Variants in ABLIM2 observed in about 807,000 individuals in gnomAD.
ABLIM2 encodes actin-binding LIM protein 2.
Under a neutral mutation model 97.7 loss-of-function variants are expected in ABLIM2, and 53 were observed. That is an observed-to-expected ratio of 0.54 (90% confidence interval 0.44 to 0.68). ABLIM2 has a LOEUF of 0.68. Among genes scored for constraint, ABLIM2 ranks in the 30% least tolerant of loss-of-function variants. The pLI, the probability that ABLIM2 is intolerant of heterozygous loss-of-function variation, is 0.00. For missense variants in ABLIM2, 835 were observed against 867.2 expected (o/e 0.96, Z 0.47); for synonymous variants, 361 against 345.8 (o/e 1.04, Z -0.49).
intron 6 of ABLIM2, among the ~76,000 whole-genome samples, chr4:8,074,158 T>C (rs972690331): frequency 3.1e-5 from 4 of 127,670 alleles, no homozygotes; most frequent in Admixed American, 3.1e-4. Context: ...GAAAGGCAAA[T>C]TAAAGCTAGA....
rs186929608 is a variant in ABLIM2 at position 8,082,537 on chromosome 4, T to C, written c.455-1735A>G. ...CTTTTGGCAGAGACCTGAGTCATAT[T>C]GTTTTTAACAATTAAAACAAACGAA... On this transcript the variant is annotated intron_variant, in intron 4 of 20. Coordinates refer to ENST00000447017, the MANE Select transcript of ABLIM2 (RefSeq NM_001130083.2). The surrounding 1 kb of genome is among the most constrained non-coding windows in gnomAD (Gnocchi z 5.6). Among the ~76,000 whole-genome samples, 48 of 152,354 alleles carry C rather than the reference T, an allele frequency of 3.2e-4. 1 individual carries two copies. Among genetic ancestry groups the C allele is most frequent in the Admixed American group, 2.0e-3 (31 of 15,300 alleles).
intron 16 of ABLIM2, among the ~76,000 whole-genome samples, chr4:7,997,608 A>G (rs1754174382): frequency 6.6e-6 from 1 of 151,854 alleles, no homozygotes; most frequent in Non-Finnish European, 1.5e-5. Context: ...CATATAGCTT[A>G]TATTTCTTTG....
intron 16 of ABLIM2, among the ~76,000 whole-genome samples, chr4:8,006,426 C>T (rs1761354322): frequency 6.6e-6 from 1 of 152,324 alleles, no homozygotes; most frequent in South Asian, 2.1e-4. Flanking sequence ...GTTCTGCCGG[C>T]CACCTGGCAA....
intron 6 of ABLIM2, among the ~76,000 whole-genome samples, chr4:8,074,255 G>A (rs2152373816): frequency 6.6e-6 from 1 of 152,204 alleles, no homozygotes; most frequent in South Asian, 2.1e-4. Context: ...AGAGTTCCAG[G>A]CCAGCTGGGG....
intron 12 of ABLIM2, among the ~76,000 whole-genome samples, chr4:8,027,105 G>C (rs1560731744): frequency 6.6e-6 from 1 of 152,176 alleles, no homozygotes; most frequent in African/African-American, 2.4e-5. Flanking sequence ...TCATCTAACT[G>C]ATCACCTCTT....
chr4:7,994,526 C>G (rs1388309997), intron 16 of ABLIM2, among the ~76,000 whole-genome samples: 1 of 56,660 alleles, frequency 1.8e-5, no homozygotes. Context: ...GGTTCCAAGT[C>G]TTTGCTATTG....
rs947630811 is a variant in ABLIM2, at chr4:8,122,433, T to C, written c.11-15796A>G. 1.3e-5 allele frequency among the ~76,000 whole-genome samples: 2 copies of C among 152,190 alleles called. No individual in the cohort carries two copies. The highest frequency in any genetic ancestry group is 1.3e-4 in the Admixed American group (2 of 15,282). ...AGTTCTGGAGCCTAAGAGTCTGATATTAGGGCAGCAGCATGCTCGGTCCCT... is the reference window on the plus strand; with the variant it reads ...AGTTCTGGAGCCTAAGAGTCTGATACTAGGGCAGCAGCATGCTCGGTCCCT... On this transcript the variant is annotated intron_variant, in intron 1 of 20. Coordinates refer to ENST00000447017, the MANE Select transcript of ABLIM2 (RefSeq NM_001130083.2). This position sits in a 1 kb window ranked among gnomAD's most constrained non-coding sequence, Gnocchi z 4.1.
intron 18 of ABLIM2, 131 bp from the exon 19 acceptor site, chr4:7,983,685 C>A: frequency 8.8e-7 from 1 of 1,137,640 alleles, no homozygotes; most frequent in Non-Finnish European, 1.3e-6. Context: ...GCATGGTCCC[C>A]GAGCAGCCTG....
intron 18 of ABLIM2, among the ~76,000 whole-genome samples, chr4:7,984,581 G>A (rs1194790665): frequency 6.6e-6 from 1 of 152,230 alleles, no homozygotes; most frequent in African/African-American, 2.4e-5. Flanking sequence ...GACACAGAGT[G>A]CCATACAATG....
At chr4:8,153,747 A>G (rs1360727731) in intron 1 of ABLIM2, among the ~76,000 whole-genome samples, 1 of 152,166 alleles carries the variant, frequency 6.6e-6, no homozygotes, top group Admixed American at 6.5e-5. Context: ...TTGATCTTTC[A>G]GTACAAAAGA....
At chr4:8,042,571 C>T (rs940596853) in intron 9 of ABLIM2, among the ~76,000 whole-genome samples, 9 of 152,116 alleles carry the variant, frequency 5.9e-5, no homozygotes, top group Admixed American at 6.5e-5. Flanking sequence ...CCAGGCACAG[C>T]GGCTCACGCC....
chr4:8,120,808 C>T lies in ABLIM2; in HGVS notation c.11-14171G>A, dbSNP rs1421168536. On this transcript the variant is annotated intron_variant, in intron 1 of 20. Transcript: ENST00000447017. This position sits in a 1 kb window ranked among gnomAD's most constrained non-coding sequence, Gnocchi z 5.6. ...GACCATCACAGCTCAGCCCAGCCTA[C>T]CGGAAACATGCTCAGAACACCTACG... Among the ~76,000 whole-genome samples, 2 of 152,208 alleles carry T rather than the reference C, an allele frequency of 1.3e-5. No homozygotes were observed. Among genetic ancestry groups the T allele is most frequent in the African/African-American group, 4.8e-5 (2 of 41,446 alleles).
intron 1 of ABLIM2, among the ~76,000 whole-genome samples, chr4:8,154,673 T>C (rs1190310851): frequency 6.6e-6 from 1 of 152,232 alleles, no homozygotes; most frequent in Non-Finnish European, 1.5e-5. Context: ...TTCATATACA[T>C]CTTCCCCACC....
At position 8,069,946 on chromosome 4, in the gene ABLIM2, GTTGT is replaced by G. The variant is rs1810695249; in HGVS notation, c.675+7678_675+7681del. ...TTTCTGTGTGTTTATTTCCATGTGT[GTTGT>G]TTGTGTGCCTAAGCGTGCTGTCTGC... On this transcript the variant is annotated intron_variant, in intron 6 of 20. Coordinates refer to ENST00000447017, the MANE Select transcript of ABLIM2 (RefSeq NM_001130083.2). This position sits in a 1 kb window ranked among gnomAD's most constrained non-coding sequence, Gnocchi z 4.2. Among the ~76,000 whole-genome samples the G allele has an allele frequency of 2.0e-5, 3 of 152,018 alleles. No individual in the cohort carries two copies. Among genetic ancestry groups the G allele is most frequent in the Admixed American group, 6.6e-5 (1 of 15,256 alleles).
intron 1 of ABLIM2, among the ~76,000 whole-genome samples, 156 bp downstream of exon 1, chr4:8,158,524 G>A (rs972599760): frequency 2.0e-4 from 31 of 152,106 alleles, no homozygotes; most frequent in African/African-American, 7.5e-4. Context: ...CTGCGCTCTG[G>A]CCCCTCGGGG....
At chr4:8,145,743 C>CAT (rs200301981) in intron 1 of ABLIM2, among the ~76,000 whole-genome samples, 1 of 82,478 alleles carries the variant, frequency 1.2e-5, no homozygotes, top group East Asian at 3.1e-4. Context: ...ACTACACACT[C>CAT]ATACACACAC....
At chr4:8,045,126 C>A in intron 9 of ABLIM2, 38 bp downstream of exon 9, 1 of 1,591,220 alleles carries the variant, frequency 6.3e-7, no homozygotes, top group Non-Finnish European at 8.6e-7. Flanking sequence ...CTCTCTCCAC[C>A]CTCCCACCGC....
chr4:8,072,694 C>T lies in ABLIM2; in HGVS notation c.675+4934G>A, dbSNP rs544930559. Among the ~76,000 whole-genome samples the T allele has an allele frequency of 1.2e-4, 18 of 152,320 alleles. No individual in the cohort carries two copies. The highest frequency in any genetic ancestry group is 4.1e-4 in the South Asian group (2 of 4,826). On this transcript the variant is annotated intron_variant, in intron 6 of 20. Coordinates refer to ENST00000447017, the MANE Select transcript of ABLIM2 (RefSeq NM_001130083.2). This position sits in a 1 kb window ranked among gnomAD's most constrained non-coding sequence, Gnocchi z 5.8. The stretch of plus-strand genomic sequence containing the variant: ...ACTCTCAGTGGCTGATGGCCGGGCA[C>T]GTGGGTGGATCCAGCTGGACGCCCA...
chr4:8,013,368 G>C (rs761658098), intron 14 of ABLIM2, among the ~76,000 whole-genome samples: 2 of 151,864 alleles, frequency 1.3e-5, no homozygotes, highest in Non-Finnish European at 2.9e-5. Flanking sequence ...GATTACAGGT[G>C]ACCACCACCA....
Sources: gnomAD v4.1 joint callset for allele counts (sites outside exome capture counted in the v4.1 genomes callset) on GRCh38, gnomAD v4.1.1 for gene constraint, Gnocchi (gnomAD v3.1) non-coding constraint, MANE v1.5 for transcripts, NCBI Gene and HGNC (gene_info 2026-07-23, HGNC 2026-07-21) for gene names.